Variants in ABHD6 observed in about 807,000 individuals in gnomAD.
ABHD6 encodes abhydrolase domain containing 6, acylglycerol lipase, also known as monoacylglycerol lipase ABHD6.
Under a neutral mutation model 38.8 loss-of-function variants are expected in ABHD6, and 33 were observed. The observed-to-expected ratio is 0.85, with a 90% CI of 0.64 to 1.14. The LOEUF (loss-of-function observed/expected upper bound fraction) is 1.14. ABHD6 is among the 50% of genes most tolerant of loss of function. ABHD6 has a pLI of 0.00. For synonymous variants in ABHD6, 147 were observed against 161.6 expected, an observed-to-expected ratio of 0.91 and a Z score of 0.69; for missense variants, 380 against 422.6, an observed-to-expected ratio of 0.90 and a Z score of 0.88.
intron 1 of ABHD6, among the ~76,000 whole-genome samples, chr3:58,245,943 AT>A (rs1007521730): frequency 2.0e-5 from 3 of 152,096 alleles, no homozygotes; most frequent in African/African-American, 4.8e-5. Context: ...CTGAGGTTCT[AT>A]TTTTTCCATC....
rs746605515 is a variant in ABHD6 at position 58,286,848 on chromosome 3, G to GCATATATA, written c.837+1395_837+1396insCATATATA. The stretch of plus-strand genomic sequence containing the variant: ...TGTGTGTGTGTGTGTGTGTGTGTGT[G>GCATATATA]TGTGTATATATATATATATATGTAT... On this transcript the variant is annotated intron_variant, in intron 9 of 9. Coordinates refer to ENST00000478253, the MANE Select transcript of ABHD6 (RefSeq NM_001320126.2). Among the ~76,000 whole-genome samples, 208 of 69,990 alleles carry GCATATATA rather than the reference G, an allele frequency of 3.0e-3. 15 individuals are homozygous for GCATATATA. Among genetic ancestry groups the GCATATATA allele is most frequent in the African/African-American group, 5.8e-3 (103 of 17,854 alleles). The allele number at this position is 69,990 out of a possible 152,430, so 45.9% of individuals were successfully genotyped here.
intron 1 of ABHD6, among the ~76,000 whole-genome samples, chr3:58,241,149 C>A (rs1310428792): frequency 2.6e-5 from 4 of 152,154 alleles, no homozygotes; most frequent in Non-Finnish European, 4.4e-5. Flanking sequence ...GACGGTGCCA[C>A]AACAAAGAAT....
Position 58,287,405 on chromosome 3 carries a change from C to T in ABHD6, c.837+1952C>T, listed in dbSNP as rs1253329702. Reference sequence around the variant, plus strand: ...AAAGACCCACAAGTGCATGAATGACCCAGGCAGGAGAGAGTGGGGAGGAGC... The same window carrying T: ...AAAGACCCACAAGTGCATGAATGACTCAGGCAGGAGAGAGTGGGGAGGAGC... On this transcript the variant is annotated intron_variant, in intron 9 of 9. Transcript: ENST00000478253. The surrounding 1 kb of genome is among the most constrained non-coding windows in gnomAD (Gnocchi z 4.7). 6.6e-6 allele frequency among the ~76,000 whole-genome samples: 1 copy of T among 152,102 alleles called. No individual in the cohort carries two copies. Among genetic ancestry groups the T allele is most frequent in the East Asian group, 1.9e-4 (1 of 5,182 alleles).
At chr3:58,271,426 T>C (rs1194914529) in intron 6 of ABHD6, among the ~76,000 whole-genome samples, 1 of 152,176 alleles carries the variant, frequency 6.6e-6, no homozygotes, top group East Asian at 1.9e-4. Context: ...ACTATTAACA[T>C]CCAACATTTA....
intron 2 of ABHD6, among the ~76,000 whole-genome samples, chr3:58,255,152 C>T (rs1284348371): frequency 6.6e-6 from 1 of 152,180 alleles, no homozygotes; most frequent in East Asian, 1.9e-4. Flanking sequence ...GCTGGGGACA[C>T]CCAGTCCTTA....
chr3:58,284,153 TC>T (rs1270203363), intron 7 of ABHD6, among the ~76,000 whole-genome samples: 1 of 152,144 alleles, frequency 6.6e-6, no homozygotes, highest in African/African-American at 2.4e-5. Flanking sequence ...CTGTGTTCCT[TC>T]CAGCCACCAC....
chr3:58,248,047 C>G (rs1259409203), intron 1 of ABHD6, among the ~76,000 whole-genome samples: 2 of 152,166 alleles, frequency 1.3e-5, no homozygotes, highest in African/African-American at 4.8e-5. Context: ...TTCCCACGTA[C>G]ATAAGCATAA....
At chr3:58,239,609 G>T (rs4681828) in intron 1 of ABHD6, among the ~76,000 whole-genome samples, 115,273 of 152,050 alleles carry the variant, frequency 0.76, 44,823 homozygotes, top group East Asian at 1. Context: ...AGAGACAGAA[G>T]TGCCCTTCTG....
chr3:58,239,664 T>C, intron 1 of ABHD6, among the ~76,000 whole-genome samples: 1 of 152,192 alleles, frequency 6.6e-6, no homozygotes, highest in East Asian at 1.9e-4. Context: ...TCTGTGAGCA[T>C]CTGCAAACCT....
rs60071781 is a variant in ABHD6 at position 58,286,848 on chromosome 3, G to GTATA, written c.837+1396_837+1397insATAT. On this transcript the variant is annotated intron_variant, in intron 9 of 9. Transcript: ENST00000478253. Reference sequence around the variant, plus strand: ...TGTGTGTGTGTGTGTGTGTGTGTGTGTGTGTATATATATATATATATGTAT... The same window carrying GTATA: ...TGTGTGTGTGTGTGTGTGTGTGTGTGTATATGTGTATATATATATATATATGTAT... 3.9e-4 allele frequency among the ~76,000 whole-genome samples: 27 copies of GTATA among 70,048 alleles called. 3 individuals are homozygous for GTATA. Among genetic ancestry groups the GTATA allele is most frequent in the South Asian group, 2.5e-3 (4 of 1,580 alleles). The allele number at this position is 70,048 out of a possible 152,430, so 46.0% of individuals were successfully genotyped here.
chr3:58,271,951 A>G (rs2097445347), intron 6 of ABHD6, among the ~76,000 whole-genome samples: 1 of 151,668 alleles, frequency 6.6e-6, no homozygotes, highest in South Asian at 2.1e-4. Flanking sequence ...TTTTCAGTAG[A>G]GGTGGAGTTT....
rs531763106 is a variant in ABHD6, at chr3:58,242,093, A to G, written c.-91+4177A>G. Among the ~76,000 whole-genome samples the G allele has an allele frequency of 1.8e-4, 27 of 152,232 alleles. 1 individual carries two copies. In the South Asian group the frequency reaches 5.4e-3, roughly 30 times the overall value. ...GGCTGGAGCTCGCCAGGCGAGAGGG[A>G]GAATAGGCGTGCCGGGGAGAGAGGA... On this transcript the variant is annotated intron_variant, in intron 1 of 9. Coordinates refer to ENST00000478253, the MANE Select transcript of ABHD6 (RefSeq NM_001320126.2).
At chr3:58,255,332 A>T (rs2037124) in intron 2 of ABHD6, among the ~76,000 whole-genome samples, 1 of 152,160 alleles carries the variant, frequency 6.6e-6, no homozygotes, top group South Asian at 2.1e-4. Flanking sequence ...TTAAAAAGTG[A>T]AAAACCAAGT....
chr3:58,292,381 G>T (rs1454845567), intron 9 of ABHD6, among the ~76,000 whole-genome samples: 1 of 152,158 alleles, frequency 6.6e-6, no homozygotes, highest in African/African-American at 2.4e-5. Flanking sequence ...TGAATTGAAG[G>T]TAAAGGCAGC....
intron 3 of ABHD6, among the ~76,000 whole-genome samples, chr3:58,260,763 C>G (rs1173943420): frequency 1.3e-5 from 2 of 152,148 alleles, no homozygotes; most frequent in Admixed American, 1.3e-4. Context: ...GCACCCAGTC[C>G]CCGTTCCCCG....
At position 58,294,524 on chromosome 3, in the gene ABHD6, A is replaced by G. The variant is rs1285975465; in HGVS notation, c.*759A>G. The G allele has an allele frequency of 6.6e-6, 1 of 152,624 alleles. No individual in the cohort carries two copies. Among genetic ancestry groups the G allele is most frequent in the Non-Finnish European group, 1.5e-5 (1 of 68,048 alleles). 9.5% of individuals were successfully genotyped at this position (152,624 alleles called of 1,614,324 possible). On this transcript the variant is annotated 3_prime_UTR_variant, in exon 10 of 10. Transcript: ENST00000478253. The stretch of plus-strand genomic sequence containing the variant: ...GCAATAATGTTCTAGACATCTGTCT[A>G]AGTAATCAGACTCAGGTTCCACACA...
At chr3:58,292,094 TGTGA>T (rs2097463568) in intron 9 of ABHD6, among the ~76,000 whole-genome samples, 2 of 152,228 alleles carry the variant, frequency 1.3e-5, no homozygotes, top group Admixed American at 6.5e-5. Context: ...CAGCCTTAGC[TGTGA>T]GTGAGTGACA....
At chr3:58,288,714 A>G (rs973792497) in intron 9 of ABHD6, among the ~76,000 whole-genome samples, 1 of 152,184 alleles carries the variant, frequency 6.6e-6, no homozygotes, top group African/African-American at 2.4e-5. Flanking sequence ...AGGGACCAAG[A>G]CAGCCAGGAT....
chr3:58,270,275 C>T (rs1283894472), intron 5 of ABHD6, among the ~76,000 whole-genome samples: 1 of 152,060 alleles, frequency 6.6e-6, no homozygotes. Flanking sequence ...AACTACAGCC[C>T]ATGAGCTATG....
Sources: allele counts gnomAD v4.1 joint callset (sites outside exome capture counted in the v4.1 genomes callset), GRCh38; gene constraint gnomAD v4.1.1; non-coding constraint Gnocchi (gnomAD v3.1); transcripts MANE v1.5; gene names NCBI Gene and HGNC (gene_info 2026-07-23, HGNC 2026-07-21).